Variants in KLB observed in about 807,000 individuals in gnomAD.
KLB encodes beta-klotho.
A neutral mutation model predicts 88.4 loss-of-function variants in KLB; 44 were observed. The observed-to-expected ratio is 0.50, with a 90% CI of 0.39 to 0.64. KLB has a LOEUF of 0.64. KLB is among the 30% of genes least tolerant of loss of function. The pLI is 0.00. For missense variants in KLB, 1,137 were observed against 1,304.8 expected (o/e 0.87, Z 1.98); for synonymous variants, 548 against 513.4 (o/e 1.07, Z -0.91).
intron 3 of KLB, among the ~76,000 whole-genome samples, chr4:39,441,160 G>A (rs1315805353): frequency 6.6e-6 from 1 of 152,110 alleles, no homozygotes; most frequent in African/African-American, 2.4e-5. Flanking sequence ...CCAGCTCCCT[G>A]TGGATATTTA....
chr4:39,421,120 T>C (rs1743074045), intron 1 of KLB, among the ~76,000 whole-genome samples: 1 of 152,200 alleles, frequency 6.6e-6, no homozygotes, highest in Non-Finnish European at 1.5e-5. Context: ...CATATTTTTT[T>C]CTCCTGTTAG....
intron 1 of KLB, among the ~76,000 whole-genome samples, chr4:39,414,845 G>A (rs1040774203): frequency 9.5e-5 from 14 of 147,036 alleles, no homozygotes; most frequent in Middle Eastern, 3.3e-3. Flanking sequence ...CTCTAGCCTG[G>A]GTAACAGAGC....
chr4:39,417,104 AT>A (rs34994550), intron 1 of KLB, among the ~76,000 whole-genome samples: 145,968 of 152,050 alleles, frequency 0.96, 70,355 homozygotes, highest in East Asian at 1. Context: ...GAAAAAAAGG[AT>A]TTTTTTAAAA....
chr4:39,411,941 T>C (rs1218114107), intron 1 of KLB: 2 of 151,524 alleles, frequency 1.3e-5, no homozygotes, highest in South Asian at 2.1e-4. Context: ...ACTGAGCTTA[T>C]GTATGCATCT....
rs755736704 is a variant in KLB at position 39,448,314 on chromosome 4, T to TA, written c.2766dup (p.Val923SerfsTer13). ...TATCTTTTTCAGCATACCTGATTGA[T>TA]AAAGTCAGAATCAAAGGCTATTATG... On this transcript the variant is annotated frameshift_variant, in exon 5 of 5. Coordinates refer to ENST00000257408, the MANE Select transcript of KLB (RefSeq NM_175737.4). LOFTEE classifies it low-confidence loss of function (END_TRUNC). 7 of 1,591,538 alleles carry TA rather than the reference T, an allele frequency of 4.4e-6. No homozygotes were observed. In the African/African-American group the frequency reaches 5.4e-5, roughly 12 times the overall value.
intron 1 of KLB, among the ~76,000 whole-genome samples, chr4:39,426,250 T>TAA (rs1743210211): frequency 8.7e-5 from 1 of 11,436 alleles, no homozygotes; most frequent in Non-Finnish European, 3.2e-4. Flanking sequence ...AGACTCCATC[T>TAA]CAAAAAAAAA....
intron 2 of KLB, among the ~76,000 whole-genome samples, chr4:39,435,583 G>T (rs558705555): frequency 4.0e-5 from 6 of 151,666 alleles, no homozygotes; most frequent in Non-Finnish European, 7.4e-5. Context: ...CTGCCACCAC[G>T]CCCAGCTAAG....
intron 1 of KLB, among the ~76,000 whole-genome samples, chr4:39,419,805 G>C (rs942194057): frequency 6.7e-6 from 1 of 148,646 alleles, no homozygotes; most frequent in Admixed American, 6.8e-5. Flanking sequence ...TTAGCTGGGC[G>C]TAGTGGTGGG....
At chr4:39,426,270 C>G (rs1018891798) in intron 1 of KLB, among the ~76,000 whole-genome samples, 1 of 129,708 alleles carries the variant, frequency 7.7e-6, no homozygotes, top group Non-Finnish European at 1.7e-5. Context: ...AAAAAATTAG[C>G]CAGGTGTGGT....
intron 1 of KLB, among the ~76,000 whole-genome samples, chr4:39,433,338 G>A (rs1743402607): frequency 6.6e-6 from 1 of 152,200 alleles, no homozygotes; most frequent in African/African-American, 2.4e-5. Context: ...TCTGCTGTGG[G>A]CAGTGCCGAC....
In KLB at chr4:39,424,734, C is replaced by T. The variant is rs1052777986; in HGVS notation, c.826-9476C>T. On this transcript the variant is annotated intron_variant, in intron 1 of 4. Transcript: ENST00000257408. ...GCAACCTTTGCATCCCGGGTTCAAG[C>T]GATTCTGTTTCAGCCTCCCTGGTAG... 2.0e-4 allele frequency among the ~76,000 whole-genome samples: 28 copies of T among 137,022 alleles called. 1 individual carries two copies. The highest frequency in any genetic ancestry group is 7.5e-4 in the African/African-American group (24 of 32,060). 89.9% of individuals were successfully genotyped at this position (137,022 alleles called of 152,430 possible). A position where few individuals can be genotyped will look rare whatever the true frequency, so the allele number is the denominator to read the frequency against.
rs189309066 is a variant in KLB at position 39,444,153 on chromosome 4, G to A, written c.1606-2179G>A. Among the ~76,000 whole-genome samples the A allele has an allele frequency of 1.2e-4, 19 of 152,166 alleles. No homozygotes were observed. The East Asian group carries it at 2.1e-3, about 17-fold the overall frequency. ...GCCTGGGCGACAAGAACAAAACTCC[G>A]TCTCAAATAAACAAACAAACAAACA... is the stretch of plus-strand genomic sequence containing the variant. On this transcript the variant is annotated intron_variant, in intron 3 of 4. Coordinates refer to ENST00000257408, the MANE Select transcript of KLB (RefSeq NM_175737.4).
chr4:39,429,720 A>G (rs1409396747), intron 1 of KLB, among the ~76,000 whole-genome samples: 1 of 152,174 alleles, frequency 6.6e-6, no homozygotes. Context: ...TACTAACCTC[A>G]TTTTAATTTT....
At chr4:39,409,295 CTT>C (rs59119086) in intron 1 of KLB, among the ~76,000 whole-genome samples, 2,293 of 140,360 alleles carry the variant, frequency 0.016, 37 homozygotes, top group African/African-American at 0.045. Context: ...TTTTAATTTT[CTT>C]TTTTTTTTTT....
At chr4:39,417,926 A>G (rs1457027466) in intron 1 of KLB, among the ~76,000 whole-genome samples, 1 of 152,200 alleles carries the variant, frequency 6.6e-6, no homozygotes, top group Non-Finnish European at 1.5e-5. Flanking sequence ...GATCTGTGTC[A>G]ATCCAAGCTA....
intron 3 of KLB, among the ~76,000 whole-genome samples, chr4:39,444,917 A>G (rs578025583): frequency 6.6e-6 from 1 of 152,332 alleles, no homozygotes; most frequent in East Asian, 1.9e-4. Context: ...ACGAAAAAAC[A>G]ATTAGAGGGA....
chr4:39,447,127 T>A lies in KLB; in HGVS notation c.2401T>A (p.Ser801Thr), dbSNP rs772541395. ...ASKHRRGLSS[S>T]ALPRLTEAER... ...CAAGCACCGACGGGGGCTTTCCAGC[T>A]CGGCCCTGCCGCGCCTCACCGAGGC... The change falls in exon 4 of 5, where the codon TCG (serine) becomes ACG (threonine). Residue 801 changes from serine to threonine, a missense_variant. Physicochemically the swap from Ser to Thr is moderately conservative, Grantham distance 58. Transcript: ENST00000257408. The A allele has an allele frequency of 8.1e-6, 13 of 1,613,526 alleles. No homozygotes were observed. The East Asian group carries it at 2.9e-4, about 36-fold the overall frequency.
At chr4:39,439,295 A>G (rs1743544808) in intron 3 of KLB, among the ~76,000 whole-genome samples, 1 of 151,780 alleles carries the variant, frequency 6.6e-6, no homozygotes, top group Non-Finnish European at 1.5e-5. Context: ...CACTGCATCC[A>G]ACCTACTTAA....
Position 39,411,714 on chromosome 4 carries a change from C to A in KLB, c.825+3940C>A, listed in dbSNP as rs150334080. 3.4e-3 allele frequency among the ~76,000 whole-genome samples: 511 copies of A among 151,846 alleles called. 4 individuals are homozygous for A. Among genetic ancestry groups the A allele is most frequent in the African/African-American group, 0.012 (495 of 41,444 alleles). On this transcript the variant is annotated intron_variant, in intron 1 of 4. Transcript: ENST00000257408. ...CTTGGCCATTTTTAAGCACGGTAATCATCACTTTAAATATCATCTCTAGGC... is the reference window on the plus strand; with the variant it reads ...CTTGGCCATTTTTAAGCACGGTAATAATCACTTTAAATATCATCTCTAGGC...
Sources: allele counts gnomAD v4.1 joint callset (sites outside exome capture counted in the v4.1 genomes callset), GRCh38; gene constraint gnomAD v4.1.1; transcripts MANE v1.5; gene names NCBI Gene and HGNC (gene_info 2026-07-23, HGNC 2026-07-21).